The following EFCAB11 variants were observed in gnomAD, a reference collection of about 807,000 sequenced individuals.
The protein encoded by EFCAB11 is EF-hand calcium binding domain 11.
Under a neutral mutation model 23.0 loss-of-function variants are expected in EFCAB11, and 14 were observed. That is an observed-to-expected ratio of 0.61 (90% CI 0.40 to 0.95). The LOEUF is 0.95. Among genes scored for constraint, EFCAB11 ranks in the 40% least tolerant of loss-of-function variants. EFCAB11 has a pLI of 0.00. For missense variants in EFCAB11, 198 were observed against 195.8 expected (o/e 1.01, Z -0.07); for synonymous variants, 65 against 66.6 (o/e 0.98, Z 0.11).
chr14:89,847,793 ACT>A (rs1566782752), intron 5 of EFCAB11, among the ~76,000 whole-genome samples: 1 of 151,440 alleles, frequency 6.6e-6, no homozygotes, highest in Non-Finnish European at 1.5e-5. Context: ...AAGAATGCAG[ACT>A]CTGAATTCAG....
chr14:89,797,837 G>A (rs1275162187), intron 5 of EFCAB11, among the ~76,000 whole-genome samples: 3 of 152,120 alleles, frequency 2.0e-5, no homozygotes, highest in Non-Finnish European at 2.9e-5. Flanking sequence ...GGAGGCTGAG[G>A]CAGGAGAATC....
At chr14:89,900,000 A>G (rs1889291669) in intron 5 of EFCAB11, among the ~76,000 whole-genome samples, 1 of 152,084 alleles carries the variant, frequency 6.6e-6, no homozygotes. Flanking sequence ...CAATCCCTCC[A>G]ATAGAGCTAT....
intron 5 of EFCAB11, among the ~76,000 whole-genome samples, chr14:89,911,365 G>A (rs1165206534): frequency 2.6e-5 from 4 of 152,164 alleles, no homozygotes; most frequent in African/African-American, 7.2e-5. Context: ...AGGCACTGCC[G>A]AGTGACAAGG....
intron 5 of EFCAB11, among the ~76,000 whole-genome samples, chr14:89,910,954 T>C (rs1424150314): frequency 1.3e-5 from 2 of 152,232 alleles, no homozygotes; most frequent in Non-Finnish European, 2.9e-5. Context: ...AATATTCGGA[T>C]GTACAAAGTA....
In EFCAB11 at chr14:89,796,190, C is replaced by T. The variant is rs1298711286; in HGVS notation, c.*1053G>A. 6.6e-6 allele frequency: 1 copy of T among 152,362 alleles called. No homozygotes were observed. The highest frequency in any genetic ancestry group is 1.5e-5 in the Non-Finnish European group (1 of 68,136). The allele number at this position is 152,362 out of a possible 1,614,324, so 9.4% of individuals were successfully genotyped here. On this transcript the variant is annotated 3_prime_UTR_variant, in exon 6 of 6. Transcript: ENST00000316738. ...TGTATATAGCCCGAGAGGGCTTGCT[C>T]ATGTTAGCCCAAGCCGATTTCTTTG...
chr14:89,954,683 C>T lies in EFCAB11; in HGVS notation c.-23G>A. ...CATCGCGACTACAACAACCGAGCCC[C>T]AGCAACCCAACCAGCTACCACCGCT... On this transcript the variant is annotated 5_prime_UTR_variant, in exon 1 of 6. Transcript: ENST00000316738. The T allele has an allele frequency of 1.9e-6, 3 of 1,606,766 alleles. No homozygotes were observed. The highest frequency in any genetic ancestry group is 1.7e-6 in the Non-Finnish European group (2 of 1,178,288).
chr14:89,919,236 T>C (rs1889947988), intron 5 of EFCAB11, among the ~76,000 whole-genome samples: 3 of 151,570 alleles, frequency 2.0e-5, no homozygotes. Flanking sequence ...GAAACACTAA[T>C]TCACTGTGGA....
chr14:89,913,904 C>T (rs1889755963), intron 5 of EFCAB11, among the ~76,000 whole-genome samples: 1 of 152,160 alleles, frequency 6.6e-6, no homozygotes, highest in Non-Finnish European at 1.5e-5. Flanking sequence ...GCATCCTGCT[C>T]CTTGAGTCTG....
intron 3 of EFCAB11, chr14:89,938,213 G>A (rs565840999): frequency 1.3e-5 from 2 of 152,252 alleles, no homozygotes; most frequent in East Asian, 3.9e-4. Flanking sequence ...AAGTTATTTG[G>A]ACAGTAAGCC....
chr14:89,881,469 T>TATATATATATATATATATATATA (rs1566795113), intron 5 of EFCAB11, among the ~76,000 whole-genome samples: 1 of 9,006 alleles, frequency 1.1e-4, no homozygotes, highest in African/African-American at 3.8e-4. Flanking sequence ...ATATATATTC[T>TATATATATATATATATATATATA]TTTTTTTTTT....
intron 3 of EFCAB11, among the ~76,000 whole-genome samples, chr14:89,945,575 C>T (rs150597758): frequency 6.6e-6 from 1 of 152,296 alleles, no homozygotes; most frequent in African/African-American, 2.4e-5. Flanking sequence ...CTATTGATTT[C>T]TAATGTCGTT....
chr14:89,923,126 T>C (rs1287286106), intron 5 of EFCAB11, among the ~76,000 whole-genome samples: 1 of 152,236 alleles, frequency 6.6e-6, no homozygotes, highest in East Asian at 1.9e-4. Context: ...CAAAGTCATC[T>C]TCTCTACTTG....
At chr14:89,941,166 C>A (rs1334988539) in intron 3 of EFCAB11, among the ~76,000 whole-genome samples, 2 of 152,204 alleles carry the variant, frequency 1.3e-5, no homozygotes, top group Admixed American at 1.3e-4. Flanking sequence ...GGACTTATGC[C>A]TCTCTAGAAA....
chr14:89,909,138 A>G (rs932392099), intron 5 of EFCAB11, among the ~76,000 whole-genome samples: 49 of 152,208 alleles, frequency 3.2e-4, no homozygotes, highest in African/African-American at 1.2e-3. Flanking sequence ...TGCTAATCAG[A>G]AAAATGCATG....
chr14:89,947,919 A>G (rs1432772571), intron 3 of EFCAB11, among the ~76,000 whole-genome samples: 6 of 151,920 alleles, frequency 3.9e-5, no homozygotes, highest in Non-Finnish European at 8.8e-5. Flanking sequence ...TGACATAGTA[A>G]ACTAACACTT....
intron 5 of EFCAB11, among the ~76,000 whole-genome samples, chr14:89,829,596 T>C (rs550914805): frequency 3.5e-4 from 53 of 152,348 alleles, no homozygotes; most frequent in South Asian, 3.1e-3. Flanking sequence ...TCAGTAGTTT[T>C]AATGATCTTA....
intron 3 of EFCAB11, among the ~76,000 whole-genome samples, chr14:89,947,247 A>AG (rs2139841368): frequency 6.6e-6 from 1 of 152,284 alleles, no homozygotes; most frequent in East Asian, 1.9e-4. Flanking sequence ...ATTCAAAAAA[A>AG]GGTAATATTT....
At chr14:89,922,742 C>T (rs1890060815) in intron 5 of EFCAB11, among the ~76,000 whole-genome samples, 1 of 152,140 alleles carries the variant, frequency 6.6e-6, no homozygotes, top group Non-Finnish European at 1.5e-5. Context: ...CCTACTATGC[C>T]TTCTCACGTT....
chr14:89,838,679 A>G (rs1309468395), intron 5 of EFCAB11, among the ~76,000 whole-genome samples: 1 of 152,206 alleles, frequency 6.6e-6, no homozygotes, highest in South Asian at 2.1e-4. Flanking sequence ...ATACAAACGC[A>G]TTTTGCTTCC....
Sources: allele counts gnomAD v4.1 joint callset (sites outside exome capture counted in the v4.1 genomes callset), GRCh38; gene constraint gnomAD v4.1.1; transcripts MANE v1.5; gene names NCBI Gene and HGNC (gene_info 2026-07-23, HGNC 2026-07-21).